MATN2: variants seen among roughly 807,000 people sequenced by gnomAD.
MATN2 encodes the protein matrilin 2.
A neutral mutation model predicts 103.2 loss-of-function variants in MATN2; 69 were observed. The observed-to-expected ratio is 0.67, with a 90% CI of 0.55 to 0.82. The LOEUF (loss-of-function observed/expected upper bound fraction) is 0.82, where lower values mean the gene tolerates loss of function less well. Ranked by LOEUF, MATN2 falls within the 40% of genes least tolerant of loss-of-function variation. MATN2 has a pLI of 0.00. For synonymous variants in MATN2, 429 were observed against 450.2 expected, an observed-to-expected ratio of 0.95 and a Z score of 0.60; for missense variants, 1,023 against 1,211.5, an observed-to-expected ratio of 0.84 and a Z score of 2.31.
intron 3 of MATN2, among the ~76,000 whole-genome samples, chr8:97,939,390 C>CA (rs1393631332): frequency 2.6e-5 from 4 of 152,122 alleles, no homozygotes; most frequent in East Asian, 1.9e-4. Context: ...AACAAACAAA[C>CA]AAAAAAACCA....
At chr8:97,943,365 G>T (rs1485542974) in intron 4 of MATN2, among the ~76,000 whole-genome samples, 1 of 151,478 alleles carries the variant, frequency 6.6e-6, no homozygotes, top group Non-Finnish European at 1.5e-5. Context: ...CCACCATCTT[G>T]CCCACTCCCT....
intron 15 of MATN2, among the ~76,000 whole-genome samples, 180 bp downstream of exon 15, chr8:98,030,794 C>G (rs183206767): frequency 6.6e-6 from 1 of 152,076 alleles, no homozygotes; most frequent in Non-Finnish European, 1.5e-5. Flanking sequence ...TCCCGAGAAG[C>G]TGGGATTACA....
At chr8:97,980,347 G>A (rs958125458) in intron 6 of MATN2, among the ~76,000 whole-genome samples, 3 of 152,180 alleles carry the variant, frequency 2.0e-5, no homozygotes, top group Non-Finnish European at 2.9e-5. Flanking sequence ...AGCCTGTGCT[G>A]TCGTCGTGGT....
intron 5 of MATN2, among the ~76,000 whole-genome samples, chr8:97,961,758 T>A (rs1348399893): frequency 1.3e-5 from 2 of 152,258 alleles, no homozygotes; most frequent in Non-Finnish European, 2.9e-5. Flanking sequence ...GGAACACTTA[T>A]GATAATCCAT....
At chr8:97,978,451 T>C (rs1443780390) in intron 5 of MATN2, among the ~76,000 whole-genome samples, 3 of 152,214 alleles carry the variant, frequency 2.0e-5, no homozygotes, top group Admixed American at 2.0e-4. Context: ...CCTGGCTATT[T>C]CTTTGGGTTT....
intron 2 of MATN2, 58 bp downstream of exon 2, chr8:97,888,300 C>T: frequency 1.4e-6 from 2 of 1,409,424 alleles, no homozygotes; most frequent in Admixed American, 6.5e-5. Context: ...GGGGAGGGCT[C>T]AGGGACAGGG....
chr8:98,003,162 G>A (rs10955142), intron 7 of MATN2, among the ~76,000 whole-genome samples: 72,225 of 150,984 alleles, frequency 0.48, 18,026 homozygotes, highest in Middle Eastern at 0.53. Context: ...CCTCATCCCC[G>A]GGCATTTGTG....
intron 2 of MATN2, among the ~76,000 whole-genome samples, chr8:97,929,548 G>A (rs762732401): frequency 4.6e-5 from 7 of 152,112 alleles, no homozygotes; most frequent in East Asian, 1.9e-4. Context: ...TATCACCCTC[G>A]TACTAGAAAC....
intron 4 of MATN2, among the ~76,000 whole-genome samples, chr8:97,945,426 C>T (rs1056021600): frequency 6.6e-6 from 1 of 152,094 alleles, no homozygotes; most frequent in South Asian, 2.1e-4. Flanking sequence ...TGTCCTCACT[C>T]TTGGCCATCA....
At chr8:97,894,523 T>G (rs1426489579) in intron 2 of MATN2, among the ~76,000 whole-genome samples, 1 of 152,062 alleles carries the variant, frequency 6.6e-6, no homozygotes, top group Non-Finnish European at 1.5e-5. Flanking sequence ...GGTCTTACTA[T>G]GTTGCACAGA....
chr8:97,888,088 G>A lies in MATN2; in HGVS notation c.-13G>A. 1 of 1,606,806 alleles carries A rather than the reference G, an allele frequency of 6.2e-7. No homozygotes were observed. The highest frequency in any genetic ancestry group is 8.5e-7 in the Non-Finnish European group (1 of 1,176,932). On this transcript the variant is annotated 5_prime_UTR_variant, in exon 2 of 19. Coordinates refer to ENST00000254898, the MANE Select transcript of MATN2 (RefSeq NM_002380.5). Reference sequence around the variant, plus strand: ...TGTTTGTCACAGCCTTGCCCCTCTTGCTCGCCTTGAAAATGGAAAAGATGC... The same window carrying A: ...TGTTTGTCACAGCCTTGCCCCTCTTACTCGCCTTGAAAATGGAAAAGATGC...
intron 16 of MATN2, among the ~76,000 whole-genome samples, chr8:98,032,813 T>C (rs1247991998): frequency 6.6e-6 from 1 of 152,188 alleles, no homozygotes; most frequent in Non-Finnish European, 1.5e-5. Context: ...ATTACAGACA[T>C]GAGCCACTGT....
chr8:97,900,851 C>T (rs956548285), intron 2 of MATN2, among the ~76,000 whole-genome samples: 1 of 152,092 alleles, frequency 6.6e-6, no homozygotes, highest in Non-Finnish European at 1.5e-5. Flanking sequence ...AGGAGAATGG[C>T]GTGAACCCAG....
intron 4 of MATN2, among the ~76,000 whole-genome samples, chr8:97,945,350 G>A (rs1290037307): frequency 6.6e-6 from 1 of 152,074 alleles, no homozygotes. Flanking sequence ...GGAACAAAAA[G>A]TTTAGACGAT....
chr8:97,990,198 A>AAC (rs1422334309), intron 6 of MATN2, among the ~76,000 whole-genome samples: 67 of 151,694 alleles, frequency 4.4e-4, no homozygotes, highest in African/African-American at 1.6e-3. Context: ...AAAAAAAAAA[A>AAC]AAAAGACAAG....
intron 4 of MATN2, among the ~76,000 whole-genome samples, chr8:97,954,709 C>T (rs1177596322): frequency 1.3e-5 from 2 of 152,206 alleles, no homozygotes; most frequent in African/African-American, 4.8e-5. Context: ...ACCGTTCCAT[C>T]GTTGAATAGA....
chr8:97,949,612 A>G (rs1248961488), intron 4 of MATN2, among the ~76,000 whole-genome samples: 2 of 152,194 alleles, frequency 1.3e-5, no homozygotes, highest in Non-Finnish European at 2.9e-5. Context: ...ACAAAGTTAG[A>G]TATTTACCTA....
In MATN2 at chr8:97,908,912, A is replaced by G. The variant is rs529924959; in HGVS notation, c.142+20670A>G. 7.2e-5 allele frequency among the ~76,000 whole-genome samples: 11 copies of G among 152,152 alleles called. No individual in the cohort carries two copies. In the South Asian group the frequency reaches 2.3e-3, roughly 32 times the overall value. ...CCAAAGTGTTGGGATTATAGGTGTA[A>G]GCCACCATGCCTGCACCAGCCCCTC... On this transcript the variant is annotated intron_variant, in intron 2 of 18. Coordinates refer to ENST00000254898, the MANE Select transcript of MATN2 (RefSeq NM_002380.5).
intron 2 of MATN2, among the ~76,000 whole-genome samples, chr8:97,898,139 G>A (rs1456725657): frequency 5.3e-5 from 8 of 152,112 alleles, no homozygotes; most frequent in Non-Finnish European, 1.5e-5. Context: ...CAACTCATGT[G>A]TGTGTCAGGG....
Sources: allele counts gnomAD v4.1 joint callset (sites outside exome capture counted in the v4.1 genomes callset), GRCh38; gene constraint gnomAD v4.1.1; transcripts MANE v1.5; gene names NCBI Gene and HGNC (gene_info 2026-07-23, HGNC 2026-07-21).